Variants in NEMP2 observed in about 807,000 individuals in gnomAD.
NEMP2 encodes UPF0571 transmembrane protein.
NEMP2 carries 53 observed loss-of-function variants against 54.2 expected under a neutral mutation model. The ratio of observed to expected loss-of-function variants is 0.98; its 90% CI spans 0.78 to 1.23. The LOEUF (loss-of-function observed/expected upper bound fraction) is 1.23. Ranked by LOEUF, NEMP2 falls within the 50% of genes most tolerant of loss-of-function variation. The pLI is 0.00. For missense variants in NEMP2, 455 were observed against 511.3 expected, an observed-to-expected ratio of 0.89 and a Z score of 1.06; for synonymous variants, 197 against 190.3, an observed-to-expected ratio of 1.04 and a Z score of -0.29.
intron 6 of NEMP2, among the ~76,000 whole-genome samples, chr2:190,515,496 T>A (rs1159625370): frequency 1.3e-5 from 2 of 152,232 alleles, no homozygotes; most frequent in Non-Finnish European, 2.9e-5. Context: ...AATAGATGAT[T>A]TTATGTAATT....
the NEMP2 span, among the ~76,000 whole-genome samples, chr2:190,448,591 A>C: frequency 1.3e-5 from 2 of 152,240 alleles, no homozygotes; most frequent in South Asian, 4.1e-4. Context: ...GTACAGTTAT[A>C]CAAATGTTAA....
the NEMP2 span, among the ~76,000 whole-genome samples, chr2:190,563,961 G>C: frequency 6.6e-6 from 1 of 152,238 alleles, no homozygotes; most frequent in African/African-American, 2.4e-5. The surrounding 1 kb of genome is among the most constrained non-coding windows in gnomAD (Gnocchi z 4.3). Flanking sequence ...TACTAGAAAG[G>C]CTTCCCTGAA....
chr2:190,576,628 G>T, the NEMP2 span, among the ~76,000 whole-genome samples: 1 of 151,106 alleles, frequency 6.6e-6, no homozygotes, highest in Non-Finnish European at 1.5e-5. Context: ...GGAGCGGGGT[G>T]GGGCGGGGGG....
the NEMP2 span, among the ~76,000 whole-genome samples, chr2:190,618,530 G>A: frequency 2.0e-5 from 3 of 152,136 alleles, no homozygotes; most frequent in African/African-American, 7.2e-5. Context: ...TTATTAGCTA[G>A]GGATAGATGA....
At chr2:190,639,650 TTTTTTG>T in the NEMP2 span, among the ~76,000 whole-genome samples, 4 of 145,636 alleles carry the variant, frequency 2.7e-5, no homozygotes, top group South Asian at 2.3e-4. Flanking sequence ...TTTTTTTTTG[TTTTTTG>T]TTTTTGTTTT....
chr2:190,575,860 A>G, the NEMP2 span, among the ~76,000 whole-genome samples: 682 of 152,288 alleles, frequency 4.5e-3, 10 homozygotes, highest in African/African-American at 0.016. Flanking sequence ...CATCTCAACA[A>G]AAAAAAGAAA....
chr2:190,562,149 G>A, the NEMP2 span, among the ~76,000 whole-genome samples: 1 of 152,150 alleles, frequency 6.6e-6, no homozygotes, highest in African/African-American at 2.4e-5. The surrounding 1 kb of genome is among the most constrained non-coding windows in gnomAD (Gnocchi z 5.0). Context: ...CCCTCTTTGG[G>A]TAGTCGACCA....
At position 190,510,443 on chromosome 2, in the gene NEMP2, C is replaced by T; in HGVS notation, c.1048G>A (p.Ala350Thr). 1 of 1,551,780 alleles carries T rather than the reference C, an allele frequency of 6.4e-7. No homozygotes were observed. The highest frequency in any genetic ancestry group is 8.7e-7 in the Non-Finnish European group (1 of 1,147,014). Reference protein sequence around the residue: ...REQADAETNSALEELRRACRK... With the variant: ...REQADAETNSTLEELRRACRK... ...CAGGCCCGGCGTAGCTCCTCCAGAG[C>T]ACTGTTCGTTTCAGCATCAGCTTGC... Residue 350 changes from alanine to threonine, a missense_variant, in exon 8 of 9, where the codon GCT becomes ACT. Coordinates refer to ENST00000409150, the MANE Select transcript of NEMP2 (RefSeq NM_001142645.2). The surrounding 1 kb of genome is among the most constrained non-coding windows in gnomAD (Gnocchi z 5.7).
At chr2:190,477,220 GCATTAAA>G in the NEMP2 span, 1 of 969,100 alleles carries the variant, frequency 1.0e-6, no homozygotes, top group Non-Finnish European at 1.2e-6. Context: ...TAATAACAAT[GCATTAAA>G]CAGGAACTGC....
chr2:190,476,619 A>T, the NEMP2 span, among the ~76,000 whole-genome samples: 1 of 152,118 alleles, frequency 6.6e-6, no homozygotes, highest in Non-Finnish European at 1.5e-5. Context: ...CTGTAAACTA[A>T]TTCAACCATT....
rs1407236351 is a variant in NEMP2 at position 190,513,397 on chromosome 2, G to C, written c.953+1056C>G. 3.3e-5 allele frequency among the ~76,000 whole-genome samples: 5 copies of C among 152,150 alleles called. No homozygotes were observed. Among genetic ancestry groups the C allele is most frequent in the Non-Finnish European group, 7.4e-5 (5 of 68,022 alleles). ...GCCCCGTTTTCAATGAGGTTGCTTTGTAGAGTTTCCCACAGTCCTCCTGGT... is the reference window on the plus strand; with the variant it reads ...GCCCCGTTTTCAATGAGGTTGCTTTCTAGAGTTTCCCACAGTCCTCCTGGT... On this transcript the variant is annotated intron_variant, in intron 7 of 8. Coordinates refer to ENST00000409150, the MANE Select transcript of NEMP2 (RefSeq NM_001142645.2). The surrounding 1 kb of genome is among the most constrained non-coding windows in gnomAD (Gnocchi z 5.3).
the NEMP2 span, among the ~76,000 whole-genome samples, chr2:190,595,217 A>T: frequency 1.2e-4 from 19 of 152,226 alleles, no homozygotes; most frequent in East Asian, 2.7e-3. The surrounding 1 kb of genome is among the most constrained non-coding windows in gnomAD (Gnocchi z 4.0). Flanking sequence ...AAAACTGAAA[A>T]TGGACCCCTT....
the NEMP2 span, chr2:190,437,095 G>T: frequency 1.9e-6 from 3 of 1,614,122 alleles, no homozygotes; most frequent in Non-Finnish European, 1.7e-6. This position sits in a 1 kb window ranked among gnomAD's most constrained non-coding sequence, Gnocchi z 5.9. Context: ...AGTGCTCATC[G>T]ATGGAAAGGG....
the NEMP2 span, among the ~76,000 whole-genome samples, chr2:190,621,938 G>A: frequency 5.9e-5 from 9 of 152,056 alleles, no homozygotes; most frequent in South Asian, 2.1e-4. Flanking sequence ...GTGAAACCCC[G>A]TCTCTACTAA....
At chr2:190,639,973 C>T in the NEMP2 span, among the ~76,000 whole-genome samples, 14 of 151,974 alleles carry the variant, frequency 9.2e-5, 1 homozygote, top group South Asian at 2.3e-3. Context: ...TGAAAAAAAG[C>T]ATAAAGAAGA....
the NEMP2 span, among the ~76,000 whole-genome samples, chr2:190,496,697 T>TATAC: frequency 6.6e-6 from 1 of 151,878 alleles, no homozygotes; most frequent in Non-Finnish European, 1.5e-5. The surrounding 1 kb of genome is among the most constrained non-coding windows in gnomAD (Gnocchi z 4.7). Flanking sequence ...CACACACACA[T>TATAC]ATACATACAT....
chr2:190,473,485 A>G, the NEMP2 span, among the ~76,000 whole-genome samples: 83 of 152,368 alleles, frequency 5.4e-4, no homozygotes, highest in Non-Finnish European at 9.3e-4. Flanking sequence ...AGGCCATTAC[A>G]TAATGGTAAA....
At chr2:190,610,327 T>G in the NEMP2 span, 2 of 152,226 alleles carry the variant, frequency 1.3e-5, no homozygotes, top group Non-Finnish European at 2.9e-5. The surrounding 1 kb of genome is among the most constrained non-coding windows in gnomAD (Gnocchi z 5.4). Context: ...AGATGAGACC[T>G]TTTTAAAGCC....
Position 190,525,262 on chromosome 2 carries a change from C to T in NEMP2, c.213+1G>A. ...GACATGAGTTAAAAGTAGGCCCTTA[C>T]CTGCATAGTTGACCATATGTATTTC... is the stretch of plus-strand genomic sequence containing the variant. On this transcript the variant is annotated splice_donor_variant, in intron 2 of 8. Coordinates refer to ENST00000409150, the MANE Select transcript of NEMP2 (RefSeq NM_001142645.2). LOFTEE classifies it high-confidence loss of function. The surrounding 1 kb of genome is among the most constrained non-coding windows in gnomAD (Gnocchi z 5.0). The T allele has an allele frequency of 6.6e-7, 1 of 1,514,152 alleles. No homozygotes were observed. Among genetic ancestry groups the T allele is most frequent in the South Asian group, 1.2e-5 (1 of 83,076 alleles). The allele number at this position is 1,514,152 out of a possible 1,614,324, so 93.8% of individuals were successfully genotyped here.
Sources: gnomAD v4.1 joint callset for allele counts (sites outside exome capture counted in the v4.1 genomes callset) on GRCh38, gnomAD v4.1.1 for gene constraint, Gnocchi (gnomAD v3.1) non-coding constraint, MANE v1.5 for transcripts, NCBI Gene and HGNC (gene_info 2026-07-23, HGNC 2026-07-21) for gene names.